Variants in EGFR observed in about 807,000 individuals in gnomAD.
EGFR encodes the protein epidermal growth factor receptor.
Under a neutral mutation model 143.0 loss-of-function variants are expected in EGFR, and 58 were observed. That is an observed-to-expected ratio of 0.41 (90% CI 0.33 to 0.50). The LOEUF (loss-of-function observed/expected upper bound fraction) is 0.50, where lower values mean the gene tolerates loss of function less well. Among genes scored for constraint, EGFR ranks in the 20% least tolerant of loss-of-function variants. EGFR has a pLI of 0.39. For synonymous variants in EGFR, 613 were observed against 594.4 expected (o/e 1.03, Z -0.45); for missense variants, 1,307 against 1,579.0 (o/e 0.83, Z 2.92).
chr7:55,172,099 A>C (rs1198519699), intron 16 of EGFR, among the ~76,000 whole-genome samples: 1 of 152,108 alleles, frequency 6.6e-6, no homozygotes, highest in Non-Finnish European at 1.5e-5. Flanking sequence ...TCCCCACTCC[A>C]CACTGCAATC....
At chr7:55,188,738 T>A (rs925245746) in intron 20 of EGFR, 2 of 152,094 alleles carry the variant, frequency 1.3e-5, no homozygotes, top group African/African-American at 4.8e-5. Context: ...CACAGAGTTG[T>A]CCTTTCAAAT....
At chr7:55,185,471 C>T (rs1210713118) in intron 20 of EGFR, among the ~76,000 whole-genome samples, 1 of 152,214 alleles carries the variant, frequency 6.6e-6, no homozygotes, top group African/African-American at 2.4e-5. Context: ...CCAAAGATCC[C>T]GTCATCCGTG....
chr7:55,124,115 A>G (rs770520017), intron 1 of EGFR, among the ~76,000 whole-genome samples: 2 of 152,226 alleles, frequency 1.3e-5, no homozygotes, highest in Non-Finnish European at 2.9e-5. Flanking sequence ...CAAGAAAGCT[A>G]TAGCTTAAAT....
chr7:55,149,539 C>T, intron 4 of EGFR, among the ~76,000 whole-genome samples: 1 of 152,220 alleles, frequency 6.6e-6, no homozygotes, highest in African/African-American at 2.4e-5. Context: ...GCTGGGGTGT[C>T]GAGAAACAGA....
chr7:55,108,165 T>C (rs758919790), intron 1 of EGFR, among the ~76,000 whole-genome samples: 7 of 152,228 alleles, frequency 4.6e-5, no homozygotes, highest in Non-Finnish European at 8.8e-5. Context: ...AGTCTATTTG[T>C]CATGCAAGAG....
At chr7:55,108,423 C>T (rs755331079) in intron 1 of EGFR, among the ~76,000 whole-genome samples, 12 of 152,236 alleles carry the variant, frequency 7.9e-5, no homozygotes, top group Admixed American at 3.3e-4. Flanking sequence ...CCATAAATGG[C>T]TGCCATGAGC....
At chr7:55,114,356 C>T (rs966296578) in intron 1 of EGFR, among the ~76,000 whole-genome samples, 2 of 152,086 alleles carry the variant, frequency 1.3e-5, no homozygotes, top group Non-Finnish European at 1.5e-5. Context: ...TGTAGTGGCA[C>T]ATGCCTGTAG....
intron 1 of EGFR, among the ~76,000 whole-genome samples, chr7:55,098,327 T>C (rs1252936071): frequency 6.6e-6 from 1 of 152,202 alleles, no homozygotes; most frequent in Non-Finnish European, 1.5e-5. Flanking sequence ...TGGGGAGAAC[T>C]GCTCTCTCCT....
chr7:55,189,098 ATGTG>A (rs10540696), intron 20 of EGFR, among the ~76,000 whole-genome samples: 120,157 of 150,490 alleles, frequency 0.8, 48,347 homozygotes, highest in East Asian at 0.93. Flanking sequence ...CTCACACATA[ATGTG>A]TGTGTGTGTG....
rs181803240 is a variant in EGFR at position 55,072,735 on chromosome 7, T to C, written c.88+53370T>C. Among the ~76,000 whole-genome samples, 199 of 152,352 alleles carry C rather than the reference T, an allele frequency of 1.3e-3. 1 individual carries two copies. The highest frequency in any genetic ancestry group is 2.4e-4 in the Non-Finnish European group (16 of 68,036). The stretch of plus-strand genomic sequence containing the variant: ...TTAGATAAATATTGACGGCTGCTTT[T>C]AACAGTCTGCTGTTTTGTCTCCTTT... On this transcript the variant is annotated intron_variant, in intron 1 of 27. Transcript: ENST00000275493.
intron 1 of EGFR, chr7:55,044,048 G>A (rs1019784073): frequency 6.6e-6 from 1 of 151,952 alleles, no homozygotes; most frequent in African/African-American, 2.4e-5. Flanking sequence ...GAATCAGTGG[G>A]GCCCTGGCCT....
At chr7:55,195,629 C>T (rs1787582490) in intron 22 of EGFR, among the ~76,000 whole-genome samples, 1 of 152,082 alleles carries the variant, frequency 6.6e-6, no homozygotes, top group Non-Finnish European at 1.5e-5. Context: ...GGGATTAAGC[C>T]TAGTACCCAT....
intron 1 of EGFR, among the ~76,000 whole-genome samples, chr7:55,059,574 A>T (rs1323406691): frequency 6.6e-6 from 1 of 151,762 alleles, no homozygotes; most frequent in African/African-American, 2.4e-5. Context: ...TTACTATATC[A>T]CGCAGAGTCG....
chr7:55,209,681 C>T lies in EGFR; in HGVS notation c.*4064C>T, dbSNP rs538448802. Reference sequence around the variant, plus strand: ...TGCCTCTTTCACCAGCCACACCTGCCATACCAGGGGTACAGCTTTGTACTA... The same window carrying T: ...TGCCTCTTTCACCAGCCACACCTGCTATACCAGGGGTACAGCTTTGTACTA... On this transcript the variant is annotated 3_prime_UTR_variant, in exon 28 of 28. Transcript: ENST00000275493. The T allele has an allele frequency of 6.6e-6, 1 of 152,366 alleles. No individual in the cohort carries two copies. Among genetic ancestry groups the T allele is most frequent in the Middle Eastern group, 3.4e-3 (1 of 294 alleles). The allele number at this position is 152,366 out of a possible 1,614,324, so 9.4% of individuals were successfully genotyped here.
intron 1 of EGFR, among the ~76,000 whole-genome samples, chr7:55,125,024 A>G (rs912127443): frequency 1.3e-5 from 2 of 152,308 alleles, no homozygotes. Flanking sequence ...ACCTTAATAA[A>G]GTGCAGATGT....
At chr7:55,084,812 T>C (rs904931819) in intron 1 of EGFR, among the ~76,000 whole-genome samples, 7 of 152,212 alleles carry the variant, frequency 4.6e-5, no homozygotes, top group African/African-American at 1.7e-4. Flanking sequence ...ATTTGGCATA[T>C]TGGATTTTGC....
intron 6 of EGFR, 75 bp downstream of exon 6, chr7:55,152,739 C>A: frequency 2.4e-6 from 3 of 1,257,800 alleles, no homozygotes; most frequent in African/African-American, 3.0e-5. Context: ...GGACAGAAGA[C>A]TTCCTGTGGG....
In EGFR at chr7:55,208,093, T is replaced by TCTC. The variant is rs139990280; in HGVS notation, c.*2478_*2479insCCT. ...AGAGCAAAAGCTATTCTAGCTTTCT[T>TCTC]CTTCATATTTTAATTTTCCACCATA... is the stretch of plus-strand genomic sequence containing the variant. On this transcript the variant is annotated 3_prime_UTR_variant, in exon 28 of 28. Transcript: ENST00000275493. 6.8e-3 allele frequency: 1,035 copies of TCTC among 152,308 alleles called. 11 individuals are homozygous for TCTC. Among genetic ancestry groups the TCTC allele is most frequent in the African/African-American group, 0.024 (995 of 41,556 alleles). 9.4% of individuals were successfully genotyped at this position (152,308 alleles called of 1,614,324 possible). A position where few individuals can be genotyped will look rare whatever the true frequency, so the allele number is the denominator to read the frequency against.
chr7:55,077,020 T>C (rs929133498), intron 1 of EGFR, among the ~76,000 whole-genome samples: 7 of 151,916 alleles, frequency 4.6e-5, no homozygotes, highest in Non-Finnish European at 1.0e-4. Context: ...ATGTAAGCCA[T>C]ACAAAAATCC....
Sources: gnomAD v4.1 joint callset for allele counts (sites outside exome capture counted in the v4.1 genomes callset) on GRCh38, gnomAD v4.1.1 for gene constraint, MANE v1.5 for transcripts, NCBI Gene and HGNC (gene_info 2026-07-23, HGNC 2026-07-21) for gene names.